SRD5A1: variants seen among roughly 807,000 people sequenced by gnomAD.
SRD5A1 encodes the protein steroid 5 alpha-reductase 1, also known as 3-oxo-5-alpha-steroid 4-dehydrogenase 1.
A neutral mutation model predicts 28.2 loss-of-function variants in SRD5A1; 22 were observed. The observed-to-expected ratio is 0.78, with a 90% CI of 0.56 to 1.12. The LOEUF (loss-of-function observed/expected upper bound fraction) is 1.12, where lower values mean the gene tolerates loss of function less well. Ranked by LOEUF, SRD5A1 falls within the 50% of genes most tolerant of loss-of-function variation. SRD5A1 has a pLI of 0.00. For synonymous variants in SRD5A1, 151 were observed against 135.0 expected, an observed-to-expected ratio of 1.12 and a Z score of -0.82; for missense variants, 300 against 346.7, an observed-to-expected ratio of 0.87 and a Z score of 1.07.
chr5:6,651,419 A>C (rs1277705446), intron 1 of SRD5A1, among the ~76,000 whole-genome samples: 1 of 152,214 alleles, frequency 6.6e-6, no homozygotes, highest in African/African-American at 2.4e-5. Flanking sequence ...ACATTTTGGG[A>C]CAACAAGGCA....
chr5:6,647,435 A>G (rs1286245500), intron 1 of SRD5A1, among the ~76,000 whole-genome samples: 1 of 152,160 alleles, frequency 6.6e-6, no homozygotes, highest in Non-Finnish European at 1.5e-5. Context: ...GTCTTTAAGA[A>G]CTTGCTTTAT....
chr5:6,634,136 T>G (rs1188390488), intron 1 of SRD5A1, among the ~76,000 whole-genome samples: 6 of 152,164 alleles, frequency 3.9e-5, no homozygotes, highest in Non-Finnish European at 8.8e-5. Flanking sequence ...ATGATGAAAC[T>G]GATCTGGAAA....
chr5:6,656,042 A>G, intron 2 of SRD5A1, 36 bp from the exon 3 acceptor site: 1 of 1,537,432 alleles, frequency 6.5e-7, no homozygotes, highest in Non-Finnish European at 9.0e-7. Flanking sequence ...TTTACGGTTT[A>G]TTAGCCATAA....
chr5:6,663,412 G>A (rs1027412784), intron 4 of SRD5A1, among the ~76,000 whole-genome samples: 2 of 152,234 alleles, frequency 1.3e-5, no homozygotes, highest in South Asian at 2.1e-4. Flanking sequence ...CAGCTATGTG[G>A]TGGCTTAGGC....
Position 6,673,999 on chromosome 5 carries a change from C to T in SRD5A1, c.*5731C>T, listed in dbSNP as rs1739434720. The T allele has an allele frequency of 6.6e-6, 1 of 151,956 alleles. No individual in the cohort carries two copies. The highest frequency in any genetic ancestry group is 2.4e-5 in the African/African-American group (1 of 41,362). 9.4% of individuals were successfully genotyped at this position (151,956 alleles called of 1,614,324 possible). On this transcript the variant is annotated 3_prime_UTR_variant, in exon 5 of 5. Transcript: ENST00000274192. ...ACAAACAAATTTTAGGGCAGTGAAACTATTATTATGATACTTTATGGATAT... is the reference window on the plus strand; with the variant it reads ...ACAAACAAATTTTAGGGCAGTGAAATTATTATTATGATACTTTATGGATAT...
In SRD5A1 at chr5:6,674,057, T is replaced by A. The variant is rs1739437086; in HGVS notation, c.*5789T>A. On this transcript the variant is annotated 3_prime_UTR_variant, in exon 5 of 5. Transcript: ENST00000274192. ...TATGCATTTTTCAAAACACATAGAA[T>A]ATACAACATGAAGAATGAATGCTAA... The A allele has an allele frequency of 6.6e-6, 1 of 151,938 alleles. No homozygotes were observed. The highest frequency in any genetic ancestry group is 2.1e-4 in the South Asian group (1 of 4,836). 9.4% of individuals were successfully genotyped at this position (151,938 alleles called of 1,614,324 possible).
At chr5:6,662,718 TTGAATTTATGTTC>T in intron 3 of SRD5A1, 85 bp from the exon 4 acceptor site, 1 of 1,358,404 alleles carries the variant, frequency 7.4e-7, no homozygotes. Flanking sequence ...TTTTCCGTTC[TTGAATTTATGTTC>T]TCCAGGTAAG....
chr5:6,662,592 C>T (rs756782962), intron 3 of SRD5A1, among the ~76,000 whole-genome samples: 10 of 152,176 alleles, frequency 6.6e-5, no homozygotes, highest in Non-Finnish European at 1.3e-4. Flanking sequence ...TGTGTGTATT[C>T]ACATAGACAG....
In SRD5A1 at chr5:6,649,579, G is replaced by A. The variant is rs73033320; in HGVS notation, c.294-2263G>A. Among the ~76,000 whole-genome samples, 355 of 152,364 alleles carry A rather than the reference G, an allele frequency of 2.3e-3. 1 individual carries two copies. Among genetic ancestry groups the A allele is most frequent in the African/African-American group, 8.4e-3 (350 of 41,584 alleles). Reference sequence around the variant, plus strand: ...GGGACCCACTGAGCCAGGCACTGGAGAGAATGGTCTGCTGGTTGCGAAGAC... The same window carrying A: ...GGGACCCACTGAGCCAGGCACTGGAAAGAATGGTCTGCTGGTTGCGAAGAC... On this transcript the variant is annotated intron_variant, in intron 1 of 4. Coordinates refer to ENST00000274192, the MANE Select transcript of SRD5A1 (RefSeq NM_001047.4).
chr5:6,666,179 G>A (rs568487160), intron 4 of SRD5A1, among the ~76,000 whole-genome samples: 9 of 151,124 alleles, frequency 6.0e-5, no homozygotes, highest in East Asian at 1.9e-4. Context: ...AGACAGTCTC[G>A]CTCTGTCGCC....
intron 1 of SRD5A1, among the ~76,000 whole-genome samples, chr5:6,638,005 G>C (rs1579393353): frequency 6.6e-6 from 1 of 152,214 alleles, no homozygotes; most frequent in East Asian, 1.9e-4. Flanking sequence ...AACTTTGAGG[G>C]TGAAGTGTGT....
At chr5:6,635,611 G>T (rs1380670888) in intron 1 of SRD5A1, among the ~76,000 whole-genome samples, 1 of 152,238 alleles carries the variant, frequency 6.6e-6, no homozygotes, top group African/African-American at 2.4e-5. Context: ...ATGCTTGCAT[G>T]GTGCTGGCGC....
At chr5:6,635,462 T>C (rs1177656425) in intron 1 of SRD5A1, among the ~76,000 whole-genome samples, 1 of 152,222 alleles carries the variant, frequency 6.6e-6, no homozygotes, top group East Asian at 1.9e-4. Context: ...TATTCGGTGC[T>C]ATCCTAGTCC....
At chr5:6,644,291 A>T (rs1738444892) in intron 1 of SRD5A1, among the ~76,000 whole-genome samples, 4 of 152,074 alleles carry the variant, frequency 2.6e-5, no homozygotes, top group Admixed American at 2.6e-4. Context: ...CAGAGGCCCG[A>T]CCTCTTATGA....
chr5:6,671,065 TC>T lies in SRD5A1; in HGVS notation c.*2798del, dbSNP rs1456718454. The stretch of plus-strand genomic sequence containing the variant: ...ATCAAATGGTAGTTCTACTTTTAGT[TC>T]TAAGGAATTTCCACACTGTTTTCCA... On this transcript the variant is annotated 3_prime_UTR_variant, in exon 5 of 5. Transcript: ENST00000274192. The T allele has an allele frequency of 2.0e-5, 3 of 152,206 alleles. No individual in the cohort carries two copies. Among genetic ancestry groups the T allele is most frequent in the African/African-American group, 7.2e-5 (3 of 41,456 alleles). The allele number at this position is 152,206 out of a possible 1,614,324, so 9.4% of individuals were successfully genotyped here.
intron 2 of SRD5A1, among the ~76,000 whole-genome samples, chr5:6,652,743 C>T (rs894069674): frequency 2.0e-5 from 3 of 151,718 alleles, no homozygotes; most frequent in African/African-American, 4.8e-5. Context: ...CATGGTGACA[C>T]GCACCATGGT....
chr5:6,668,115 T>C, intron 4 of SRD5A1, 87 bp from the exon 5 acceptor site: 2 of 860,174 alleles, frequency 2.3e-6, no homozygotes, highest in East Asian at 2.7e-5. Context: ...AGTACTCTTT[T>C]GTAATGAAAA....
At chr5:6,659,236 C>T (rs1267485197) in intron 3 of SRD5A1, among the ~76,000 whole-genome samples, 1 of 152,020 alleles carries the variant, frequency 6.6e-6, no homozygotes, top group Non-Finnish European at 1.5e-5. Context: ...GCCTCAGCCC[C>T]CCGAGTAGCT....
intron 1 of SRD5A1, among the ~76,000 whole-genome samples, chr5:6,634,847 G>A (rs1441169350): frequency 6.6e-6 from 1 of 152,232 alleles, no homozygotes; most frequent in African/African-American, 2.4e-5. Flanking sequence ...CACAGCCAAA[G>A]CAAACGACAG....
Sources: allele counts gnomAD v4.1 joint callset (sites outside exome capture counted in the v4.1 genomes callset), GRCh38; gene constraint gnomAD v4.1.1; transcripts MANE v1.5; gene names NCBI Gene and HGNC (gene_info 2026-07-23, HGNC 2026-07-21).